Variants in COL28A1 observed in about 807,000 individuals in gnomAD.
COL28A1 encodes the protein collagen type XXVIII alpha 1 chain.
In COL28A1, 161 loss-of-function variants were observed where a neutral mutation model predicts 150.2. That is an observed-to-expected ratio of 1.07 (90% CI 0.94 to 1.22). The LOEUF (loss-of-function observed/expected upper bound fraction) is 1.22. Ranked by LOEUF, COL28A1 falls within the 50% of genes most tolerant of loss-of-function variation. The probability of loss-of-function intolerance (pLI) is 0.00; values close to 1 mark genes in which losing one functional copy is unlikely to be tolerated. For missense variants in COL28A1, 1,617 were observed against 1,388.3 expected, an observed-to-expected ratio of 1.16 and a Z score of -2.62; for synonymous variants, 552 against 469.7, an observed-to-expected ratio of 1.18 and a Z score of -2.26.
chr7:7,372,658 T>A (rs1474451903), intron 32 of COL28A1, among the ~76,000 whole-genome samples: 1 of 152,138 alleles, frequency 6.6e-6, no homozygotes, highest in Non-Finnish European at 1.5e-5. Flanking sequence ...GCTTGCTCGA[T>A]CCCTTATTTT....
chr7:7,502,053 C>G (rs946731466), intron 11 of COL28A1, among the ~76,000 whole-genome samples: 1 of 152,160 alleles, frequency 6.6e-6, no homozygotes, highest in African/African-American at 2.4e-5. Flanking sequence ...CGCCACCACG[C>G]CCGGCTAATT....
At chr7:7,417,958 A>C (rs1784196925) in intron 26 of COL28A1, 31 bp from the exon 27 acceptor site, 1 of 1,562,306 alleles carries the variant, frequency 6.4e-7, no homozygotes, top group Non-Finnish European at 8.8e-7. Flanking sequence ...TTTGAAGACA[A>C]AATGTAAGAA....
chr7:7,507,912 T>C (rs1780901843), intron 9 of COL28A1, among the ~76,000 whole-genome samples: 1 of 152,202 alleles, frequency 6.6e-6, no homozygotes, highest in South Asian at 2.1e-4. Context: ...TTTTGTGTCC[T>C]ACCCATTTGG....
chr7:7,370,476 T>C (rs1781167934), intron 33 of COL28A1, among the ~76,000 whole-genome samples: 1 of 152,178 alleles, frequency 6.6e-6, no homozygotes, highest in Non-Finnish European at 1.5e-5. Flanking sequence ...AGGAGTATAA[T>C]ATAAAAATAT....
At chr7:7,415,592 G>A (rs1301495603) in intron 27 of COL28A1, among the ~76,000 whole-genome samples, 1 of 152,158 alleles carries the variant, frequency 6.6e-6, no homozygotes, top group Non-Finnish European at 1.5e-5. Context: ...GGAGTGCAGT[G>A]GTGCGATCTT....
At chr7:7,411,986 T>C (rs746184495) in intron 27 of COL28A1, among the ~76,000 whole-genome samples, 1 of 152,116 alleles carries the variant, frequency 6.6e-6, no homozygotes, top group Non-Finnish European at 1.5e-5. Flanking sequence ...ACTTAAAATT[T>C]CCATCCTTCC....
intron 15 of COL28A1, among the ~76,000 whole-genome samples, chr7:7,457,850 T>C (rs1056452715): frequency 9.9e-5 from 15 of 152,158 alleles, no homozygotes; most frequent in African/African-American, 3.1e-4. Context: ...TTGAGTAACA[T>C]GGTTAACATG....
chr7:7,377,816 A>AAC (rs1183804006), intron 30 of COL28A1, among the ~76,000 whole-genome samples: 1 of 151,262 alleles, frequency 6.6e-6, no homozygotes, highest in African/African-American at 2.4e-5. Flanking sequence ...GCAAAAAAAA[A>AAC]AAAAAAACCA....
intron 33 of COL28A1, among the ~76,000 whole-genome samples, chr7:7,361,589 C>T (rs530504627): frequency 5.2e-4 from 79 of 152,278 alleles, no homozygotes; most frequent in African/African-American, 1.8e-3. Flanking sequence ...TCTCTAATGA[C>T]CAGTGATGAT....
At chr7:7,483,748 A>C (rs898204792) in intron 13 of COL28A1, among the ~76,000 whole-genome samples, 1 of 152,192 alleles carries the variant, frequency 6.6e-6, no homozygotes, top group African/African-American at 2.4e-5. Flanking sequence ...AATAGAATAA[A>C]ATAATAGAGA....
At chr7:7,368,181 ACTCCT>A (rs1781036108) in intron 33 of COL28A1, among the ~76,000 whole-genome samples, 1 of 148,910 alleles carries the variant, frequency 6.7e-6, no homozygotes, top group Admixed American at 6.7e-5. Flanking sequence ...TGCTTTTAAA[ACTCCT>A]CTGCTGTCTC....
intron 27 of COL28A1, among the ~76,000 whole-genome samples, chr7:7,406,073 C>G (rs1783475032): frequency 6.6e-6 from 1 of 152,080 alleles, no homozygotes; most frequent in Admixed American, 6.5e-5. Context: ...ACAAAGGTAT[C>G]AATTTAAAAA....
intron 13 of COL28A1, among the ~76,000 whole-genome samples, chr7:7,488,778 A>G (rs1317086354): frequency 6.6e-6 from 1 of 152,230 alleles, no homozygotes; most frequent in South Asian, 2.1e-4. Flanking sequence ...ATCCATTATA[A>G]AGTATAAACA....
chr7:7,435,123 T>C (rs900929397), intron 23 of COL28A1, among the ~76,000 whole-genome samples: 1 of 152,112 alleles, frequency 6.6e-6, no homozygotes, highest in Non-Finnish European at 1.5e-5. Context: ...CCATCACCTA[T>C]AATGCCTAAT....
At chr7:7,516,851 C>A (rs779412347) in intron 7 of COL28A1, among the ~76,000 whole-genome samples, 1 of 152,010 alleles carries the variant, frequency 6.6e-6, no homozygotes, top group Non-Finnish European at 1.5e-5. Flanking sequence ...ACCTAGGCCT[C>A]CCAAAGTGCT....
At chr7:7,449,026 ATATT>A (rs1786484403) in intron 18 of COL28A1, among the ~76,000 whole-genome samples, 1 of 152,130 alleles carries the variant, frequency 6.6e-6, no homozygotes, top group African/African-American at 2.4e-5. Context: ...GGTTACAGAA[ATATT>A]TATCATCTTG....
chr7:7,481,349 G>A (rs895302931), intron 13 of COL28A1, among the ~76,000 whole-genome samples: 3 of 152,138 alleles, frequency 2.0e-5, no homozygotes, highest in Non-Finnish European at 4.4e-5. Flanking sequence ...AGTATTCCAC[G>A]CCATCAGTAT....
At chr7:7,534,394 A>G (rs1782534666) in intron 1 of COL28A1, among the ~76,000 whole-genome samples, 2 of 152,196 alleles carry the variant, frequency 1.3e-5, no homozygotes. Flanking sequence ...AAAATAAATG[A>G]TGTACAACTT....
intron 11 of COL28A1, among the ~76,000 whole-genome samples, chr7:7,495,156 TTAA>T (rs1780137841): frequency 6.6e-6 from 1 of 152,216 alleles, no homozygotes. Flanking sequence ...TAAATTTTAC[TTAA>T]TAAATACAAA....
Sources: allele counts gnomAD v4.1 joint callset (sites outside exome capture counted in the v4.1 genomes callset), GRCh38; gene constraint gnomAD v4.1.1; transcripts MANE v1.5; gene names NCBI Gene and HGNC (gene_info 2026-07-23, HGNC 2026-07-21).